TG: variants seen among roughly 807,000 people sequenced by gnomAD.
TG encodes the protein thyroid hormones.
TG carries 270 observed loss-of-function variants against 324.7 expected under a neutral mutation model. The ratio of observed to expected loss-of-function variants is 0.83; its 90% CI spans 0.75 to 0.92. The LOEUF is 0.92. Among genes scored for constraint, TG ranks in the 40% least tolerant of loss-of-function variants. The pLI, the probability that TG is intolerant of heterozygous loss-of-function variation, is 0.00. For missense variants in TG, 3,591 were observed against 3,456.4 expected (o/e 1.04, Z -0.98); for synonymous variants, 1,401 against 1,327.0 (o/e 1.06, Z -1.21).
chr8:133,069,900 C>T (rs1232320086), intron 41 of TG, among the ~76,000 whole-genome samples: 1 of 147,938 alleles, frequency 6.8e-6, no homozygotes, highest in Non-Finnish European at 1.5e-5. Flanking sequence ...ACTTGGGAGG[C>T]TGAGGCAGGA....
chr8:133,047,474 C>T, intron 41 of TG: 1 of 232,192 alleles, frequency 4.3e-6, no homozygotes, highest in Non-Finnish European at 8.7e-6. Context: ...AGTCACAGAG[C>T]TTGAGAGCAC....
intron 5 of TG, among the ~76,000 whole-genome samples, chr8:132,878,127 C>CT (rs1357859374): frequency 6.6e-6 from 1 of 152,108 alleles, no homozygotes; most frequent in Non-Finnish European, 1.5e-5. Context: ...AAAAAATAGT[C>CT]TAAGTTACTT....
chr8:133,073,290 G>T (rs1247271584), intron 41 of TG: 2 of 152,152 alleles, frequency 1.3e-5, no homozygotes, highest in East Asian at 3.8e-4. Context: ...ATTTCAATTT[G>T]TCTATTCCAT....
intron 41 of TG, among the ~76,000 whole-genome samples, chr8:133,087,120 A>G (rs1846714614): frequency 7.8e-6 from 1 of 127,658 alleles, no homozygotes; most frequent in East Asian, 2.3e-4. Context: ...ACACACACAC[A>G]CACGGAAGAG....
chr8:133,088,591 G>T (rs1564174799), intron 41 of TG, among the ~76,000 whole-genome samples: 1 of 152,192 alleles, frequency 6.6e-6, no homozygotes, highest in Non-Finnish European at 1.5e-5. Context: ...GTGGCCCTTA[G>T]AAGGTGCCTT....
chr8:132,935,374 C>T (rs1185833751), intron 24 of TG, among the ~76,000 whole-genome samples: 1 of 151,838 alleles, frequency 6.6e-6, no homozygotes, highest in Non-Finnish European at 1.5e-5. Context: ...GAACTCTAGA[C>T]CCCAAATGAT....
intron 41 of TG, among the ~76,000 whole-genome samples, chr8:133,042,606 A>G (rs922303980): frequency 2.7e-5 from 4 of 145,886 alleles, no homozygotes; most frequent in Admixed American, 2.7e-4. Flanking sequence ...AGGCATCATG[A>G]TGAAAATTAT....
chr8:133,100,034 G>A (rs1849010357), intron 43 of TG, among the ~76,000 whole-genome samples: 1 of 152,174 alleles, frequency 6.6e-6, no homozygotes, highest in South Asian at 2.1e-4. Context: ...GAAAATTCCA[G>A]TCTTCTATGA....
intron 41 of TG, among the ~76,000 whole-genome samples, chr8:133,052,604 A>C (rs1840621922): frequency 6.6e-6 from 1 of 152,228 alleles, no homozygotes; most frequent in African/African-American, 2.4e-5. Flanking sequence ...ACTCCACCCC[A>C]GTAAGTAGAG....
intron 35 of TG, among the ~76,000 whole-genome samples, chr8:133,010,260 C>G (rs533030977): frequency 6.6e-6 from 1 of 152,184 alleles, no homozygotes; most frequent in African/African-American, 2.4e-5. Context: ...GTGAAAGAGG[C>G]ACTAGAGCCC....
chr8:132,967,375 C>G (rs1828775712), intron 30 of TG, among the ~76,000 whole-genome samples: 3 of 152,300 alleles, frequency 2.0e-5, no homozygotes, highest in Admixed American at 6.5e-5. Flanking sequence ...CCTTGGGGAG[C>G]TCATATATAC....
chr8:132,978,554 T>G (rs539887975), intron 34 of TG, among the ~76,000 whole-genome samples: 1 of 152,188 alleles, frequency 6.6e-6, no homozygotes, highest in Non-Finnish European at 1.5e-5. Flanking sequence ...TGGCTTGTAT[T>G]ACTGTAGTGG....
chr8:132,983,061 T>C (rs1451014620), intron 34 of TG, among the ~76,000 whole-genome samples: 1 of 152,174 alleles, frequency 6.6e-6, no homozygotes, highest in Non-Finnish European at 1.5e-5. Flanking sequence ...GCTGCCTTTT[T>C]CAGCTTGGTC....
intron 43 of TG, among the ~76,000 whole-genome samples, chr8:133,101,477 G>T (rs1444374257): frequency 6.6e-6 from 1 of 152,152 alleles, no homozygotes. Context: ...GTTCTGGAGG[G>T]CCTCAATCTC....
chr8:133,061,757 C>T (rs1371535036), intron 41 of TG, among the ~76,000 whole-genome samples: 3 of 152,162 alleles, frequency 2.0e-5, no homozygotes, highest in African/African-American at 7.2e-5. Flanking sequence ...ATCCAACTCC[C>T]ACCCTGGCCT....
intron 41 of TG, among the ~76,000 whole-genome samples, chr8:133,093,723 G>A (rs987174995): frequency 2.0e-5 from 3 of 152,086 alleles, no homozygotes; most frequent in South Asian, 2.1e-4. Context: ...AGAGATCATC[G>A]TAACAACAGT....
Position 133,131,490 on chromosome 8 carries a change from A to G in TG, c.7863-322A>G, listed in dbSNP as rs368915447. On this transcript the variant is annotated intron_variant, in intron 45 of 47. Transcript: ENST00000220616. ...AAGAACACCAATATCCAGTGATACC[A>G]TAAGTATCGTGGTTAGAATATGACC... 2.8e-4 allele frequency among the ~76,000 whole-genome samples: 43 copies of G among 152,362 alleles called. No individual in the cohort carries two copies. The East Asian group carries it at 3.7e-3, about 13-fold the overall frequency.
intron 39 of TG, among the ~76,000 whole-genome samples, 170 bp from the exon 40 acceptor site, chr8:133,021,821 G>A (rs1835590059): frequency 6.6e-6 from 1 of 152,110 alleles, no homozygotes; most frequent in South Asian, 2.1e-4. Flanking sequence ...GGTCTTGGGG[G>A]CTAGGACTTC....
At chr8:133,113,693 G>A (rs1279994849) in intron 44 of TG, 90 bp downstream of exon 44, 12 of 1,450,278 alleles carry the variant, frequency 8.3e-6, no homozygotes, top group Non-Finnish European at 1.0e-5. Flanking sequence ...AGAAATAAAG[G>A]CACGTGGCTT....
Sources: allele counts gnomAD v4.1 joint callset (sites outside exome capture counted in the v4.1 genomes callset), GRCh38; gene constraint gnomAD v4.1.1; transcripts MANE v1.5; gene names NCBI Gene and HGNC (gene_info 2026-07-23, HGNC 2026-07-21).